SARM1: variants seen among roughly 807,000 people sequenced by gnomAD.
The protein encoded by SARM1 is sterile alpha and TIR motif containing 1.
In SARM1, 60 loss-of-function variants were observed where a neutral mutation model predicts 65.1. The observed-to-expected ratio is 0.92, with a 90% CI of 0.75 to 1.14. SARM1 has a LOEUF of 1.14. Among genes scored for constraint, SARM1 ranks in the 50% most tolerant of loss-of-function variants. SARM1 has a pLI of 0.00. For missense variants in SARM1, 913 were observed against 1,015.7 expected, an observed-to-expected ratio of 0.90 and a Z score of 1.37; for synonymous variants, 417 against 465.4, an observed-to-expected ratio of 0.90 and a Z score of 1.34.
intron 1 of SARM1, among the ~76,000 whole-genome samples, chr17:28,374,651 CACCA>C (rs1555584441): frequency 1.3e-5 from 2 of 152,128 alleles, no homozygotes; most frequent in African/African-American, 2.4e-5. Context: ...TTTTCTCCTT[CACCA>C]ACCAAGCCCC....
At chr17:28,379,909 C>G (rs782063869) in intron 1 of SARM1, among the ~76,000 whole-genome samples, 7 of 152,172 alleles carry the variant, frequency 4.6e-5, no homozygotes, top group Non-Finnish European at 8.8e-5. Flanking sequence ...ATCTCTTTAT[C>G]TGGTTTTTCA....
intron 1 of SARM1, among the ~76,000 whole-genome samples, chr17:28,375,900 A>G (rs2067986524): frequency 6.6e-6 from 1 of 152,210 alleles, no homozygotes; most frequent in Non-Finnish European, 1.5e-5. Context: ...AGTTTCTTGT[A>G]TATCCTTCCA....
chr17:28,378,220 C>T (rs2068004095), intron 1 of SARM1, among the ~76,000 whole-genome samples: 1 of 152,216 alleles, frequency 6.6e-6, no homozygotes, highest in Non-Finnish European at 1.5e-5. Context: ...AGATAAACTA[C>T]AAATGCCTTG....
chr17:28,401,455 C>T lies in SARM1; in HGVS notation c.*5169C>T, dbSNP rs1284285850. 6.5e-6 allele frequency: 1 copy of T among 153,672 alleles called. No individual in the cohort carries two copies. The highest frequency in any genetic ancestry group is 6.4e-5 in the Admixed American group (1 of 15,610). The allele number at this position is 153,672 out of a possible 1,614,324, so 9.5% of individuals were successfully genotyped here. On this transcript the variant is annotated 3_prime_UTR_variant, in exon 9 of 9. Coordinates refer to ENST00000585482, the MANE Select transcript of SARM1 (RefSeq NM_015077.4). The stretch of plus-strand genomic sequence containing the variant: ...ACCCACAGTGGGCTCTGTATGGCAC[C>T]AGAGTCTCTGTCATCATCAGATCCT...
intron 1 of SARM1, among the ~76,000 whole-genome samples, chr17:28,376,100 A>T (rs1213596547): frequency 5.3e-5 from 8 of 152,206 alleles, no homozygotes; most frequent in African/African-American, 1.9e-4. Context: ...GTGAGTAGTT[A>T]TCACAAGAGT....
chr17:28,392,483 G>T (rs1371103665), intron 7 of SARM1, among the ~76,000 whole-genome samples: 3 of 152,128 alleles, frequency 2.0e-5, no homozygotes, highest in African/African-American at 7.2e-5. Context: ...CTTTGGTTTT[G>T]TATAATTCTG....
intron 2 of SARM1, among the ~76,000 whole-genome samples, chr17:28,382,789 G>A (rs534419626): frequency 2.4e-4 from 36 of 152,286 alleles, no homozygotes; most frequent in South Asian, 1.0e-3. Flanking sequence ...GGCTCCAAGC[G>A]ATCCTCTCTG....
Position 28,400,810 on chromosome 17 carries a change from T to C in SARM1, c.*4524T>C, listed in dbSNP as rs1254286505. On this transcript the variant is annotated 3_prime_UTR_variant, in exon 9 of 9. Transcript: ENST00000585482. Reference sequence around the variant, plus strand: ...CATACTCTGGAGTCCGAAAGGGCCATATTCCAACTCTGGCACCACCACCTC... The same window carrying C: ...CATACTCTGGAGTCCGAAAGGGCCACATTCCAACTCTGGCACCACCACCTC... 2 of 1,532,068 alleles carry C rather than the reference T, an allele frequency of 1.3e-6. No homozygotes were observed. The highest frequency in any genetic ancestry group is 1.4e-5 in the African/African-American group (1 of 72,636). The allele number at this position is 1,532,068 out of a possible 1,614,324, so 94.9% of individuals were successfully genotyped here.
Position 28,384,851 on chromosome 17 carries a change from G to A in SARM1, c.1315G>A (p.Asp439Asn). 2 of 1,554,118 alleles carry A rather than the reference G, an allele frequency of 1.3e-6. No homozygotes were observed. Among genetic ancestry groups the A allele is most frequent in the Non-Finnish European group, 1.7e-6 (2 of 1,148,404 alleles). The change falls in exon 4 of 9, where the codon GAT (aspartate) becomes AAT (asparagine). Residue 439 changes from aspartate (D) to asparagine (N), a missense_variant. By Grantham distance (23) the Asp-to-Asn change is conservative (BLOSUM62 1). This residue lies in a region of SARM1 where 862 missense variants were observed against 952.1 expected (regional missense o/e 0.91). Transcript: ENST00000585482. The surrounding 1 kb of genome is among the most constrained non-coding windows in gnomAD (Gnocchi z 4.4). Reference sequence around the variant, plus strand: ...ACTCCTCCCCCAGGAGCAGCAGGTGGATGGCGACCTGCTTCTGCGGCTCAC... The same window carrying A: ...ACTCCTCCCCCAGGAGCAGCAGGTGAATGGCGACCTGCTTCTGCGGCTCAC... ...YCESFREQQV[D>N]GDLLLRLTEE...
At position 28,381,423 on chromosome 17, in the gene SARM1, G is replaced by A; in HGVS notation, c.691G>A (p.Gly231Ser). Residue 231 changes from glycine (G) to serine (S), a missense_variant, in exon 2 of 9, where the codon GGC becomes AGC. Coordinates refer to ENST00000585482, the MANE Select transcript of SARM1 (RefSeq NM_015077.4). ...GCTGCGCCACTGCGCGCTGGCGCTG[G>A]GCAACTGCGCGCTGCACGGGGGCCA... ...ALLRHCALAL[G>S]NCALHGGQAV... The A allele has an allele frequency of 6.5e-7, 1 of 1,545,236 alleles. No individual in the cohort carries two copies. The highest frequency in any genetic ancestry group is 8.7e-7 in the Non-Finnish European group (1 of 1,145,320).
In SARM1 at chr17:28,372,450, A is replaced by G; in HGVS notation, c.418A>G (p.Thr140Ala). The G allele has an allele frequency of 6.5e-7, 1 of 1,529,906 alleles. No individual in the cohort carries two copies. Among genetic ancestry groups the G allele is most frequent in the Non-Finnish European group, 8.7e-7 (1 of 1,145,264 alleles). The allele number at this position is 1,529,906 out of a possible 1,614,324, so 94.8% of individuals were successfully genotyped here. A position where few individuals can be genotyped will look rare whatever the true frequency, so the allele number is the denominator to read the frequency against. The change falls in exon 1 of 9, where the codon ACG becomes GCG. Residue 140 changes from threonine (T) to alanine (A), a missense_variant. Physicochemically the swap from Thr to Ala is moderately conservative, Grantham distance 58. Around this residue, in one of 3 missense-constraint regions of SARM1, gnomAD observed 862 missense variants for 952.1 expected, o/e 0.91. Coordinates refer to ENST00000585482, the MANE Select transcript of SARM1 (RefSeq NM_015077.4). The surrounding 1 kb of genome is among the most constrained non-coding windows in gnomAD (Gnocchi z 5.2). Reference protein sequence around the residue: ...LRLLQAPELETRVQAARLLEQ... With the variant: ...LRLLQAPELEARVQAARLLEQ... Reference sequence around the variant, plus strand: ...GCTGCTGCAGGCGCCGGAGTTGGAGACGCGTGTGCAGGCCGCGCGCCTGCT... The same window carrying G: ...GCTGCTGCAGGCGCCGGAGTTGGAGGCGCGTGTGCAGGCCGCGCGCCTGCT...
chr17:28,388,141 C>A (rs1418873727), intron 5 of SARM1, 33 bp from the exon 6 acceptor site: 2 of 1,432,700 alleles, frequency 1.4e-6, no homozygotes, highest in African/African-American at 2.8e-5. Context: ...GCGGAGGGGC[C>A]ACCTTCACCA....
intron 1 of SARM1, among the ~76,000 whole-genome samples, chr17:28,380,558 T>C (rs1222452718): frequency 1.3e-5 from 2 of 152,204 alleles, no homozygotes; most frequent in Non-Finnish European, 2.9e-5. Context: ...CTGTTAAACC[T>C]CAGCCCCTAG....
Position 28,384,675 on chromosome 17 carries a change from T to C in SARM1, c.1302+106T>C. On this transcript the variant is annotated intron_variant, in intron 3 of 8. Coordinates refer to ENST00000585482, the MANE Select transcript of SARM1 (RefSeq NM_015077.4). This position sits in a 1 kb window ranked among gnomAD's most constrained non-coding sequence, Gnocchi z 4.4. The stretch of plus-strand genomic sequence containing the variant: ...AATCCCGCGGCGCCAGGGTCGCTTT[T>C]GGGGGCGGGGAGCCTGTACGCAGCC... 7.5e-7 allele frequency: 1 copy of C among 1,324,648 alleles called. No homozygotes were observed. The highest frequency in any genetic ancestry group is 1.0e-6 in the Non-Finnish European group (1 of 965,568). The allele number at this position is 1,324,648 out of a possible 1,614,324, so 82.1% of individuals were successfully genotyped here.
In SARM1 at chr17:28,371,763, G is replaced by A; in HGVS notation, c.-270G>A. 2.8e-6 allele frequency: 1 copy of A among 358,440 alleles called. No individual in the cohort carries two copies. The highest frequency in any genetic ancestry group is 9.3e-5 in the South Asian group (1 of 10,716). The allele number at this position is 358,440 out of a possible 1,614,324, so 22.2% of individuals were successfully genotyped here. ...CAGCCGCCGCCTCCTCTACCCTACG[G>A]CGTCCGGAGCCATCCCTCGCCTGCT... On this transcript the variant is annotated 5_prime_UTR_variant, in exon 1 of 9. Transcript: ENST00000585482.
At position 28,375,472 on chromosome 17, in the gene SARM1, C is replaced by T. The variant is rs564890333; in HGVS notation, c.470+2970C>T. 5.3e-4 allele frequency among the ~76,000 whole-genome samples: 80 copies of T among 152,028 alleles called. 4 individuals are homozygous for T. The South Asian group carries it at 0.016, about 31-fold the overall frequency. On this transcript the variant is annotated intron_variant, in intron 1 of 8. Coordinates refer to ENST00000585482, the MANE Select transcript of SARM1 (RefSeq NM_015077.4). ...AATTAGCCGGGCTTGATGACGTGTG[C>T]CTGTAATCCCAGCTACTCTGGAGGC...
rs781906310 is a variant in SARM1, at chr17:28,388,504, A to G, written c.1888A>G (p.Met630Val). The part of the protein sequence containing the change: ...VLSPGALDKC[M>V]QDHDCKDWVH... ...ATCACCTGGAGCACTGGACAAGTGCATGCAAGACCATGACTGCAAGGATTG... is the reference window on the plus strand; with the variant it reads ...ATCACCTGGAGCACTGGACAAGTGCGTGCAAGACCATGACTGCAAGGATTG... The change falls in exon 7 of 9, where the codon ATG becomes GTG. Residue 630 changes from methionine (M) to valine (V), a missense_variant. Physicochemically the swap from Met to Val is conservative, Grantham distance 21 (BLOSUM62 1). Around this residue, in one of 3 missense-constraint regions of SARM1, gnomAD observed 862 missense variants for 952.1 expected, o/e 0.91. Transcript: ENST00000585482. The G allele has an allele frequency of 8.1e-6, 13 of 1,613,730 alleles. No homozygotes were observed. The Admixed American group carries it at 2.0e-4, about 25-fold the overall frequency.
chr17:28,400,675 GT>G lies in SARM1; in HGVS notation c.*4391del. The G allele has an allele frequency of 1.9e-6, 3 of 1,613,426 alleles. No individual in the cohort carries two copies. Among genetic ancestry groups the G allele is most frequent in the Non-Finnish European group, 2.5e-6 (3 of 1,179,760 alleles). On this transcript the variant is annotated 3_prime_UTR_variant, in exon 9 of 9. Coordinates refer to ENST00000585482, the MANE Select transcript of SARM1 (RefSeq NM_015077.4). ...GGAGGAAGGGGAACCCCTTCATAAA[GT>G]TCAGAGTGGCTGGGTAGAGTGAGTT... is the stretch of plus-strand genomic sequence containing the variant.
chr17:28,395,829 C>T lies in SARM1; in HGVS notation c.1924-76C>T, dbSNP rs1337938643. 6 of 1,581,244 alleles carry T rather than the reference C, an allele frequency of 3.8e-6. 1 individual carries two copies. Among genetic ancestry groups the T allele is most frequent in the Non-Finnish European group, 4.3e-6 (5 of 1,160,586 alleles). Reference sequence around the variant, plus strand: ...TGGGCCCAGCCTCGGGCCAGTGGGCCTCCCAGCACCTGCCTGGCTACAAGG... The same window carrying T: ...TGGGCCCAGCCTCGGGCCAGTGGGCTTCCCAGCACCTGCCTGGCTACAAGG... On this transcript the variant is annotated intron_variant, in intron 7 of 8. Coordinates refer to ENST00000585482, the MANE Select transcript of SARM1 (RefSeq NM_015077.4).
Sources: allele counts gnomAD v4.1 joint callset (sites outside exome capture counted in the v4.1 genomes callset), GRCh38; gene constraint gnomAD v4.1.1; regional missense constraint gnomAD v4.1.1; non-coding constraint Gnocchi (gnomAD v3.1); transcripts MANE v1.5; gene names NCBI Gene and HGNC (gene_info 2026-07-23, HGNC 2026-07-21).